LIPJ: variants seen among roughly 807,000 people sequenced by gnomAD.
LIPJ encodes the protein lipase family member J.
LIPJ carries 33 observed loss-of-function variants against 39.8 expected under a neutral mutation model. That is an observed-to-expected ratio of 0.83 (90% CI 0.63 to 1.11). The LOEUF is 1.11. Among genes scored for constraint, LIPJ ranks in the 50% least tolerant of loss-of-function variants. LIPJ has a pLI of 0.00. For synonymous variants in LIPJ, 128 were observed against 139.2 expected (o/e 0.92, Z 0.57); for missense variants, 422 against 427.9 (o/e 0.99, Z 0.12).
intron 9 of LIPJ, among the ~76,000 whole-genome samples, chr10:88,604,095 A>G (rs1851584863): frequency 6.6e-6 from 1 of 152,216 alleles, no homozygotes; most frequent in Admixed American, 6.5e-5. Flanking sequence ...AAACTATTAT[A>G]ATGTGTTAGA....
the LIPJ span, among the ~76,000 whole-genome samples, chr10:88,619,652 C>A: frequency 6.6e-6 from 1 of 151,900 alleles, no homozygotes; most frequent in African/African-American, 2.4e-5. Context: ...TCCTTAAAAC[C>A]TTTCCTCTTG....
intron 10 of LIPJ, 93 bp downstream of exon 10, chr10:88,605,797 A>C (rs1851647158): frequency 1.3e-6 from 1 of 745,790 alleles, no homozygotes; most frequent in East Asian, 2.6e-5. Context: ...CCCACAGTAC[A>C]ATAACACACT....
At chr10:88,619,669 A>G in the LIPJ span, among the ~76,000 whole-genome samples, 27 of 152,168 alleles carry the variant, frequency 1.8e-4, no homozygotes, top group African/African-American at 5.5e-4. Flanking sequence ...CTTGAATTCT[A>G]AAAAGAGTAT....
At chr10:88,590,291 C>T (rs1251079471) in intron 2 of LIPJ, among the ~76,000 whole-genome samples, 1 of 151,644 alleles carries the variant, frequency 6.6e-6, no homozygotes, top group Non-Finnish European at 1.5e-5. Context: ...CATGATAAAG[C>T]TCTCAGAATT....
the LIPJ span, among the ~76,000 whole-genome samples, chr10:88,614,413 T>C: frequency 6.6e-6 from 1 of 152,100 alleles, no homozygotes; most frequent in Non-Finnish European, 1.5e-5. Flanking sequence ...CTGTTAAATT[T>C]TCCATAATCA....
intron 8 of LIPJ, among the ~76,000 whole-genome samples, chr10:88,601,230 T>C (rs996896393): frequency 1.3e-5 from 2 of 152,048 alleles, no homozygotes; most frequent in African/African-American, 4.8e-5. Context: ...TTTAATGGCA[T>C]TAATCCCATC....
chr10:88,606,306 T>C (rs561344134), intron 10 of LIPJ, among the ~76,000 whole-genome samples: 2 of 152,146 alleles, frequency 1.3e-5, no homozygotes, highest in East Asian at 3.8e-4. Flanking sequence ...GAGATCAGAG[T>C]TGACGTGGAC....
At chr10:88,588,869 C>T (rs1850995032) in intron 2 of LIPJ, among the ~76,000 whole-genome samples, 1 of 151,884 alleles carries the variant, frequency 6.6e-6, no homozygotes, top group Non-Finnish European at 1.5e-5. Flanking sequence ...TGATGAGTCA[C>T]TGCAAATAAT....
the LIPJ span, among the ~76,000 whole-genome samples, chr10:88,613,770 GTATATATATATATA>G: frequency 1.9e-4 from 14 of 75,530 alleles, no homozygotes; most frequent in South Asian, 4.4e-4. Flanking sequence ...ATGTGTGTGT[GTATATATATATATA>G]TATATATATA....
chr10:88,590,649 G>A (rs1261106719), exon 3 of LIPJ: 1 of 1,543,104 alleles, frequency 6.5e-7, no homozygotes, highest in South Asian at 1.1e-5. Flanking sequence ...TACTCATGGT[G>A]TCTTTCAAAA....
Position 88,594,885 on chromosome 10 carries a change from C to G in LIPJ, c.439+109C>G. 6 of 456,680 alleles carry G rather than the reference C, an allele frequency of 1.3e-5. No homozygotes were observed. The East Asian group carries it at 2.1e-4, about 16-fold the overall frequency. 28.3% of individuals were successfully genotyped at this position (456,680 alleles called of 1,614,324 possible). On this transcript the variant is annotated intron_variant, in intron 6 of 10. Coordinates refer to ENST00000371939, the Ensembl canonical transcript of LIPJ. ...TCTAGACCTGTAAGTAAAACAAAAA[C>G]TGTGAGACAAACATAGTACAGCAGA...
At chr10:88,613,816 G>GTGTGTGTGTA in the LIPJ span, among the ~76,000 whole-genome samples, 21 of 69,664 alleles carry the variant, frequency 3.0e-4, 1 homozygote, top group South Asian at 3.9e-3. Context: ...GTGTGTGTGT[G>GTGTGTGTGTA]TATATATATA....
Position 88,590,576 on chromosome 10 carries a change from T to C in LIPJ, c.-103-9T>C. 1.2e-6 allele frequency: 1 copy of C among 814,366 alleles called. No individual in the cohort carries two copies. 50.4% of individuals were successfully genotyped at this position (814,366 alleles called of 1,614,324 possible). ...TTTAACTGTATAAACATCTCCCTTT[T>C]ATATATAGGTCCCAAACGTGGTATC... On this transcript the variant is annotated splice_polypyrimidine_tract_variant and intron_variant, in intron 2 of 10. Transcript: ENST00000371939.
the LIPJ span, among the ~76,000 whole-genome samples, chr10:88,613,836 A>G: frequency 3.0e-3 from 296 of 98,990 alleles, 1 homozygote; most frequent in Admixed American, 4.8e-3. Context: ...ATATGTGTGT[A>G]TATATATATG....
In LIPJ at chr10:88,594,658, CT is replaced by C; in HGVS notation, c.330-5del. The C allele has an allele frequency of 7.2e-7, 1 of 1,387,460 alleles. No homozygotes were observed. The highest frequency in any genetic ancestry group is 9.8e-7 in the Non-Finnish European group (1 of 1,015,902). 85.9% of individuals were successfully genotyped at this position (1,387,460 alleles called of 1,614,324 possible). On this transcript the variant is annotated splice_region_variant and splice_polypyrimidine_tract_variant and intron_variant, in intron 5 of 10. Coordinates refer to ENST00000371939, the Ensembl canonical transcript of LIPJ. ...AAGTGCTATTTTTATTTTCCTCTTTCTTTTGTAGTTTTGATGAGATGGCAAA... is the reference window on the plus strand; with the variant it reads ...AAGTGCTATTTTTATTTTCCTCTTTCTTTGTAGTTTTGATGAGATGGCAAA...
the LIPJ span, among the ~76,000 whole-genome samples, chr10:88,613,770 G>GTGTATATATATATATA: frequency 9.3e-5 from 7 of 75,512 alleles, no homozygotes; most frequent in Non-Finnish European, 1.7e-4. Context: ...ATGTGTGTGT[G>GTGTATATATATATATA]TATATATATA....
At chr10:88,604,885 T>G (rs1191411687) in intron 9 of LIPJ, among the ~76,000 whole-genome samples, 1 of 151,616 alleles carries the variant, frequency 6.6e-6, no homozygotes, top group African/African-American at 2.4e-5. Context: ...GCAAATGAAG[T>G]GAGTATAGAC....
chr10:88,593,733 G>T (rs1038153863), intron 4 of LIPJ: 6 of 423,116 alleles, frequency 1.4e-5, no homozygotes, highest in South Asian at 5.8e-5. Flanking sequence ...TGACCTAATT[G>T]CTCACTTGGT....
intron 8 of LIPJ, among the ~76,000 whole-genome samples, chr10:88,598,447 G>T (rs1330818761): frequency 2.0e-5 from 3 of 151,970 alleles, no homozygotes; most frequent in Non-Finnish European, 4.4e-5. Context: ...CCAAAGTTTT[G>T]ACCTTGTCCA....
Sources: gnomAD v4.1 joint callset for allele counts (sites outside exome capture counted in the v4.1 genomes callset) on GRCh38, gnomAD v4.1.1 for gene constraint, MANE v1.5 for transcripts, NCBI Gene and HGNC (gene_info 2026-07-23, HGNC 2026-07-21) for gene names.